The following C1orf159 variants were observed in gnomAD, a reference collection of about 807,000 sequenced individuals.
The protein encoded by C1orf159 is uncharacterized protein C1orf159.
Under a neutral mutation model 25.6 loss-of-function variants are expected in C1orf159, and 19 were observed. The ratio of observed to expected loss-of-function variants is 0.74; its 90% CI spans 0.52 to 1.09. The LOEUF (loss-of-function observed/expected upper bound fraction) is 1.09, where lower values mean the gene tolerates loss of function less well. Ranked by LOEUF, C1orf159 falls within the 50% of genes least tolerant of loss-of-function variation. C1orf159 has a pLI of 0.00. For missense variants in C1orf159, 274 were observed against 290.6 expected (o/e 0.94, Z 0.42); for synonymous variants, 139 against 124.7 (o/e 1.12, Z -0.77).
rs61520960 is a variant in C1orf159, at chr1:1,085,869, G to A, written c.445+9C>T. The A allele has an allele frequency of 1.3e-3, 2,115 of 1,612,826 alleles. 33 individuals are homozygous for A. In the African/African-American group the frequency reaches 0.024, roughly 18 times the overall value. Reference sequence around the variant, plus strand: ...CCTCCCGTGGGGCAGGTGCTGGTCCGGGAGATACCTTTGTTTCTTCTGTAG... The same window carrying A: ...CCTCCCGTGGGGCAGGTGCTGGTCCAGGAGATACCTTTGTTTCTTCTGTAG... On this transcript the variant is annotated intron_variant, in intron 7 of 9. Coordinates refer to ENST00000421241, the MANE Select transcript of C1orf159 (RefSeq NM_017891.5).
At chr1:1,100,765 T>C (rs763703418) in intron 1 of C1orf159, among the ~76,000 whole-genome samples, 6 of 152,222 alleles carry the variant, frequency 3.9e-5, no homozygotes, top group Non-Finnish European at 5.9e-5. Context: ...ATTATTCTCA[T>C]AGTTGTTGCT....
In C1orf159 at chr1:1,085,859, G is replaced by A. The variant is rs767870991; in HGVS notation, c.445+19C>T. 3.7e-6 allele frequency: 6 copies of A among 1,612,476 alleles called. No individual in the cohort carries two copies. Among genetic ancestry groups the A allele is most frequent in the East Asian group, 2.2e-5 (1 of 44,890 alleles). ...TGCCCTGTGCCCTCCCGTGGGGCAGGTGCTGGTCCGGGAGATACCTTTGTT... is the reference window on the plus strand; with the variant it reads ...TGCCCTGTGCCCTCCCGTGGGGCAGATGCTGGTCCGGGAGATACCTTTGTT... On this transcript the variant is annotated intron_variant, in intron 7 of 9. Coordinates refer to ENST00000421241, the MANE Select transcript of C1orf159 (RefSeq NM_017891.5).
chr1:1,107,991 C>A (rs1045274739), intron 1 of C1orf159, among the ~76,000 whole-genome samples: 2 of 152,238 alleles, frequency 1.3e-5, no homozygotes, highest in Non-Finnish European at 2.9e-5. Context: ...CTGCGAGGGT[C>A]TGCGGCTTCA....
chr1:1,105,737 C>CAGGGCG (rs1646161576), intron 1 of C1orf159, among the ~76,000 whole-genome samples: 19 of 113,478 alleles, frequency 1.7e-4, no homozygotes, highest in Admixed American at 1.4e-3. Flanking sequence ...AAAAAATTAG[C>CAGGGCG]TGGGCGGGCG....
Position 1,087,008 on chromosome 1 carries a change from G to A in C1orf159, c.310+131C>T, listed in dbSNP as rs956446032. 3.2e-5 allele frequency: 29 copies of A among 909,996 alleles called. 1 individual carries two copies. The African/African-American group carries it at 3.5e-4, about 11-fold the overall frequency. 56.4% of individuals were successfully genotyped at this position (909,996 alleles called of 1,614,324 possible). ...GACCCCAAGCTGCAGGGGCTGCCAC[G>A]CTCCCCTCTGGCTGTTTTGCAGAAC... On this transcript the variant is annotated intron_variant, in intron 6 of 9. Coordinates refer to ENST00000421241, the MANE Select transcript of C1orf159 (RefSeq NM_017891.5). The surrounding 1 kb of genome is among the most constrained non-coding windows in gnomAD (Gnocchi z 8.3).
At chr1:1,091,659 G>A (rs929549183) in intron 2 of C1orf159, 94 bp from the exon 3 acceptor site, 2 of 878,338 alleles carry the variant, frequency 2.3e-6, no homozygotes, top group Non-Finnish European at 1.8e-6. Flanking sequence ...AGAGATGTTG[G>A]GGGGGTGCGG....
In C1orf159 at chr1:1,112,416, G is replaced by A. The variant is rs1020053840; in HGVS notation, c.-136+3644C>T. ...GGTCCCTCCCTCCAGTGAACACAACGCACACGCTCCCTCCCTCCAGTGAAC... is the reference window on the plus strand; with the variant it reads ...GGTCCCTCCCTCCAGTGAACACAACACACACGCTCCCTCCCTCCAGTGAAC... On this transcript the variant is annotated intron_variant, in intron 1 of 9. Transcript: ENST00000421241. Among the ~76,000 whole-genome samples, 7 of 152,156 alleles carry A rather than the reference G, an allele frequency of 4.6e-5. No individual in the cohort carries two copies. In the South Asian group the frequency reaches 6.2e-4, roughly 14 times the overall value.
Position 1,087,640 on chromosome 1 carries a change from C to T in C1orf159, c.149-43G>A. On this transcript the variant is annotated intron_variant, in intron 4 of 9. Transcript: ENST00000421241. The surrounding 1 kb of genome is among the most constrained non-coding windows in gnomAD (Gnocchi z 8.3). ...CGGGCATGTCAGCCAAAGCAAAATC[C>T]ACACCAGCTGGGTCTCCTGGGAATG... The T allele has an allele frequency of 7.1e-7, 1 of 1,401,568 alleles. No individual in the cohort carries two copies. The highest frequency in any genetic ancestry group is 9.7e-7 in the Non-Finnish European group (1 of 1,029,082). 86.8% of individuals were successfully genotyped at this position (1,401,568 alleles called of 1,614,324 possible). A position where few individuals can be genotyped will look rare whatever the true frequency, so the allele number is the denominator to read the frequency against.
At chr1:1,101,419 G>C (rs1190091146) in intron 1 of C1orf159, among the ~76,000 whole-genome samples, 2 of 152,138 alleles carry the variant, frequency 1.3e-5, no homozygotes, top group East Asian at 3.8e-4. Context: ...GGAGGCAGAG[G>C]TTGCAGTAAG....
intron 9 of C1orf159, 94 bp from the exon 10 acceptor site, chr1:1,083,081 G>T: frequency 9.3e-7 from 1 of 1,078,402 alleles, no homozygotes; most frequent in Non-Finnish European, 1.3e-6. Flanking sequence ...TCGGGAGTGG[G>T]CATATGGCAC....
intron 8 of C1orf159, 35 bp from the exon 9 acceptor site, chr1:1,084,418 G>A (rs745997151): frequency 6.3e-7 from 1 of 1,581,150 alleles, no homozygotes; most frequent in Admixed American, 1.9e-5. Flanking sequence ...TGAGGACTCG[G>A]GATGGCCTGG....
rs1299140551 is a variant in C1orf159 at position 1,087,758 on chromosome 1, G to C, written c.149-161C>G. On this transcript the variant is annotated intron_variant, in intron 4 of 9. Transcript: ENST00000421241. This position sits in a 1 kb window ranked among gnomAD's most constrained non-coding sequence, Gnocchi z 8.3. ...CGGCAGACAAGGACACCCCCAGGGAGCATGGCGGGGCCGTGAGCACCCCAC... is the reference window on the plus strand; with the variant it reads ...CGGCAGACAAGGACACCCCCAGGGACCATGGCGGGGCCGTGAGCACCCCAC... The C allele has an allele frequency of 1.6e-6, 1 of 622,290 alleles. No homozygotes were observed. The highest frequency in any genetic ancestry group is 2.8e-5 in the East Asian group (1 of 36,266). The allele number at this position is 622,290 out of a possible 1,614,324, so 38.5% of individuals were successfully genotyped here. A position where few individuals can be genotyped will look rare whatever the true frequency, so the allele number is the denominator to read the frequency against.
Sources: gnomAD v4.1 joint callset for allele counts (sites outside exome capture counted in the v4.1 genomes callset) on GRCh38, gnomAD v4.1.1 for gene constraint, Gnocchi (gnomAD v3.1) non-coding constraint, MANE v1.5 for transcripts, NCBI Gene and HGNC (gene_info 2026-07-23, HGNC 2026-07-21) for gene names.